Variants in ADAM12 observed in about 807,000 individuals in gnomAD.
ADAM12 encodes disintegrin and metalloproteinase domain-containing protein 12.
Under a neutral mutation model 106.4 loss-of-function variants are expected in ADAM12, and 70 were observed. The observed-to-expected ratio is 0.66, with a 90% CI of 0.54 to 0.80. The LOEUF (loss-of-function observed/expected upper bound fraction) is 0.80. ADAM12 is among the 30% of genes least tolerant of loss of function. The pLI, the probability that ADAM12 is intolerant of heterozygous loss-of-function variation, is 0.00. For synonymous variants in ADAM12, 420 were observed against 433.5 expected, an observed-to-expected ratio of 0.97 and a Z score of 0.39; for missense variants, 1,010 against 1,171.9, an observed-to-expected ratio of 0.86 and a Z score of 2.02.
chr10:126,263,837 T>C (rs543674300), intron 3 of ADAM12, among the ~76,000 whole-genome samples: 5 of 152,346 alleles, frequency 3.3e-5, no homozygotes, highest in Admixed American at 1.3e-4. Context: ...ATTTATGTAA[T>C]ATCTATACAG....
intron 5 of ADAM12, among the ~76,000 whole-genome samples, chr10:126,124,891 G>C (rs547513163): frequency 1.6e-5 from 1 of 62,358 alleles, no homozygotes; most frequent in Admixed American, 2.1e-4. Flanking sequence ...GTGAGACACC[G>C]TCTCAAAAAA....
chr10:126,250,057 T>C (rs1261272955), intron 3 of ADAM12, among the ~76,000 whole-genome samples: 1 of 152,142 alleles, frequency 6.6e-6, no homozygotes. Context: ...GGTGCATGGC[T>C]AGATTCCCCT....
At chr10:126,324,597 A>C (rs886097812) in intron 2 of ADAM12, among the ~76,000 whole-genome samples, 8 of 152,180 alleles carry the variant, frequency 5.3e-5, no homozygotes, top group African/African-American at 1.9e-4. Flanking sequence ...AGGAAGACTA[A>C]TGAAGGCAGT....
chr10:126,263,886 A>C (rs1253234828), intron 3 of ADAM12, among the ~76,000 whole-genome samples: 1 of 152,242 alleles, frequency 6.6e-6, no homozygotes, highest in Admixed American at 6.5e-5. Context: ...AGGCTTTTGG[A>C]TCAGGAAGTA....
intron 3 of ADAM12, among the ~76,000 whole-genome samples, chr10:126,213,787 T>G (rs1232749567): frequency 2.6e-5 from 4 of 152,212 alleles, no homozygotes; most frequent in African/African-American, 7.2e-5. Flanking sequence ...ACAATGTCCT[T>G]GAAAATTTCC....
chr10:126,265,589 C>G (rs1445846940), intron 3 of ADAM12, among the ~76,000 whole-genome samples: 1 of 152,184 alleles, frequency 6.6e-6, no homozygotes. Context: ...CTGCCTAAAA[C>G]CAGTACCTCA....
At chr10:126,162,200 G>A (rs1473409999) in intron 3 of ADAM12, among the ~76,000 whole-genome samples, 1 of 152,166 alleles carries the variant, frequency 6.6e-6, no homozygotes, top group African/African-American at 2.4e-5. Flanking sequence ...CCCAGGAAAG[G>A]CTTCCAACCC....
At position 126,162,930 on chromosome 10, in the gene ADAM12, C is replaced by T. The variant is rs560431139; in HGVS notation, c.261-7625G>A. 5.3e-5 allele frequency among the ~76,000 whole-genome samples: 8 copies of T among 152,230 alleles called. No individual in the cohort carries two copies. In the East Asian group the frequency reaches 1.2e-3, roughly 22 times the overall value. The stretch of plus-strand genomic sequence containing the variant: ...GTAGGAGGTGTTTGGATTGTGGGGG[C>T]GGATCCTTGATGGCTTGGTGCTGTC... On this transcript the variant is annotated intron_variant, in intron 3 of 22. Transcript: ENST00000448723.
In ADAM12 at chr10:126,295,195, C is replaced by T. The variant is rs111796402; in HGVS notation, c.187-16207G>A. 1.3e-3 allele frequency among the ~76,000 whole-genome samples: 198 copies of T among 152,108 alleles called. 1 individual carries two copies. Among genetic ancestry groups the T allele is most frequent in the African/African-American group, 4.3e-3 (178 of 41,510 alleles). On this transcript the variant is annotated intron_variant, in intron 2 of 22. Coordinates refer to ENST00000448723, the MANE Select transcript of ADAM12 (RefSeq NM_001288973.2). ...CCCCAAAAAATAGAATCACATAGAT[C>T]TGGGGTCAAATCTAAGCTCCATCAC...
At chr10:126,356,587 A>G (rs1192876308) in intron 1 of ADAM12, among the ~76,000 whole-genome samples, 1 of 152,238 alleles carries the variant, frequency 6.6e-6, no homozygotes, top group African/African-American at 2.4e-5. Context: ...CATTACAAAG[A>G]TTCAGAAATC....
intron 12 of ADAM12, among the ~76,000 whole-genome samples, chr10:126,067,622 C>A (rs1209935349): frequency 3.9e-5 from 6 of 152,222 alleles, no homozygotes; most frequent in Non-Finnish European, 7.3e-5. Context: ...AAAAGGCCTG[C>A]ACGCATTTAT....
intron 1 of ADAM12, among the ~76,000 whole-genome samples, chr10:126,357,969 A>C (rs1438022005): frequency 6.6e-6 from 1 of 152,228 alleles, no homozygotes; most frequent in Non-Finnish European, 1.5e-5. Flanking sequence ...TGAAGAGGAA[A>C]GATTACTTCC....
chr10:126,140,474 G>T (rs71490760), intron 4 of ADAM12, among the ~76,000 whole-genome samples: 2 of 152,054 alleles, frequency 1.3e-5, no homozygotes, highest in African/African-American at 4.8e-5. Flanking sequence ...GAGGAGGGGG[G>T]TGGATTTCAG....
rs116170195 is a variant in ADAM12 at position 126,331,711 on chromosome 10, C to T, written c.89-1202G>A. Among the ~76,000 whole-genome samples, 887 of 152,200 alleles carry T rather than the reference C, an allele frequency of 5.8e-3. 7 individuals are homozygous for T. The highest frequency in any genetic ancestry group is 0.02 in the African/African-American group (851 of 41,522). ...TGGGAGAGGGCTGAGCTGCAACCCT[C>T]GACCGCATGGGGAAGGAAGGAGGGA... is the stretch of plus-strand genomic sequence containing the variant. On this transcript the variant is annotated intron_variant, in intron 1 of 22. Transcript: ENST00000448723.
chr10:126,196,551 G>A (rs1276307232), intron 3 of ADAM12, among the ~76,000 whole-genome samples: 1 of 152,208 alleles, frequency 6.6e-6, no homozygotes, highest in Admixed American at 6.5e-5. Context: ...GAGCAACTCT[G>A]ATTGGCTCAA....
At chr10:126,296,373 G>A (rs1448207120) in intron 2 of ADAM12, among the ~76,000 whole-genome samples, 3 of 152,116 alleles carry the variant, frequency 2.0e-5, no homozygotes, top group Admixed American at 6.6e-5. Context: ...GGCTTCAAGC[G>A]ATCCTCCCCA....
intron 2 of ADAM12, among the ~76,000 whole-genome samples, chr10:126,312,262 A>C (rs1961141721): frequency 6.6e-6 from 1 of 152,086 alleles, no homozygotes. Context: ...CCCATGGCAG[A>C]GCACCAGCGG....
At chr10:126,108,504 A>G in intron 8 of ADAM12, 89 bp downstream of exon 8, 2 of 1,204,458 alleles carry the variant, frequency 1.7e-6, no homozygotes, top group Non-Finnish European at 2.5e-6. Flanking sequence ...GCAGAACCTC[A>G]TCTCCTTGCT....
At chr10:126,237,357 T>C (rs1378525391) in intron 3 of ADAM12, among the ~76,000 whole-genome samples, 3 of 152,124 alleles carry the variant, frequency 2.0e-5, no homozygotes, top group Non-Finnish European at 4.4e-5. Context: ...TATTCTATTA[T>C]TCTCAGAAAA....
Sources: allele counts gnomAD v4.1 joint callset (sites outside exome capture counted in the v4.1 genomes callset), GRCh38; gene constraint gnomAD v4.1.1; transcripts MANE v1.5; gene names NCBI Gene and HGNC (gene_info 2026-07-23, HGNC 2026-07-21).